CNTN5: variants seen among roughly 807,000 people sequenced by gnomAD.
CNTN5 encodes the protein contactin 5, also known as contactin-5.
Under a neutral mutation model 129.1 loss-of-function variants are expected in CNTN5, and 77 were observed. The observed-to-expected ratio is 0.60, with a 90% CI of 0.50 to 0.72. The LOEUF is 0.72. Among genes scored for constraint, CNTN5 ranks in the 30% least tolerant of loss-of-function variants. The probability of loss-of-function intolerance (pLI) is 0.00; values close to 1 mark genes in which losing one functional copy is unlikely to be tolerated. For missense variants in CNTN5, 1,478 were observed against 1,328.8 expected (o/e 1.11, Z -1.75); for synonymous variants, 509 against 465.6 (o/e 1.09, Z -1.20).
intron 2 of CNTN5, among the ~76,000 whole-genome samples, chr11:99,373,090 T>C (rs2136137292): frequency 6.6e-6 from 1 of 152,102 alleles, no homozygotes; most frequent in African/African-American, 2.4e-5. Context: ...ATGGCTGTAA[T>C]CCCAGCTACT....
At chr11:99,027,586 C>G (rs1400542392) in intron 1 of CNTN5, among the ~76,000 whole-genome samples, 1 of 151,460 alleles carries the variant, frequency 6.6e-6, no homozygotes, top group African/African-American at 2.4e-5. Flanking sequence ...GTATCTGAAC[C>G]AAAGTTTACT....
intron 9 of CNTN5, among the ~76,000 whole-genome samples, chr11:100,058,470 A>G (rs1031908511): frequency 6.6e-6 from 1 of 152,150 alleles, no homozygotes; most frequent in African/African-American, 2.4e-5. Context: ...TTAATAAGCT[A>G]CAGACAATCT....
At chr11:99,756,372 G>T (rs1429459798) in intron 3 of CNTN5, among the ~76,000 whole-genome samples, 3 of 152,144 alleles carry the variant, frequency 2.0e-5, no homozygotes, top group Non-Finnish European at 4.4e-5. Flanking sequence ...CACATCAATT[G>T]TGTATTATTT....
chr11:99,686,576 T>G (rs1464141711), intron 3 of CNTN5, among the ~76,000 whole-genome samples: 1 of 151,292 alleles, frequency 6.6e-6, no homozygotes, highest in African/African-American at 2.5e-5. Flanking sequence ...TTATTTAAAG[T>G]TTTTTTTCCG....
At chr11:100,042,284 A>G (rs1401461615) in intron 9 of CNTN5, among the ~76,000 whole-genome samples, 3 of 151,676 alleles carry the variant, frequency 2.0e-5, no homozygotes, top group Non-Finnish European at 4.4e-5. Context: ...TTGTCTCAAT[A>G]GCTTTTCTTA....
intron 13 of CNTN5, among the ~76,000 whole-genome samples, chr11:100,109,037 G>C (rs1284666562): frequency 1.3e-5 from 2 of 152,034 alleles, no homozygotes; most frequent in Non-Finnish European, 2.9e-5. Context: ...TCCTTCATCT[G>C]AACTCTGTCA....
chr11:99,979,450 G>C (rs982982661), intron 8 of CNTN5, among the ~76,000 whole-genome samples: 5 of 152,144 alleles, frequency 3.3e-5, no homozygotes, highest in Non-Finnish European at 5.9e-5. Flanking sequence ...AGGCACTGGG[G>C]AAGAAAAGTA....
intron 2 of CNTN5, among the ~76,000 whole-genome samples, chr11:99,417,540 TTAATAGACTTTA>T (rs1942713392): frequency 6.6e-6 from 1 of 152,102 alleles, no homozygotes; most frequent in African/African-American, 2.4e-5. Flanking sequence ...TAAATGTGTC[TTAATAGACTTTA>T]TTATAGCCAT....
intron 21 of CNTN5, among the ~76,000 whole-genome samples, chr11:100,334,684 A>G (rs1565435587): frequency 6.6e-6 from 1 of 152,210 alleles, no homozygotes; most frequent in East Asian, 1.9e-4. Context: ...TCAGGAATGG[A>G]AAACCAAAAA....
intron 1 of CNTN5, among the ~76,000 whole-genome samples, chr11:99,079,337 A>G (rs1339685840): frequency 6.6e-6 from 1 of 152,164 alleles, no homozygotes; most frequent in Admixed American, 6.5e-5. Flanking sequence ...TATCTAGATA[A>G]ACAACACAGC....
chr11:99,821,854 C>G (rs1364313112), intron 4 of CNTN5, among the ~76,000 whole-genome samples: 1 of 152,082 alleles, frequency 6.6e-6, no homozygotes, highest in African/African-American at 2.4e-5. Context: ...AGGCTGGTAA[C>G]CAATTTAATA....
chr11:100,037,143 A>G (rs1054831489), intron 9 of CNTN5, among the ~76,000 whole-genome samples: 10 of 146,704 alleles, frequency 6.8e-5, no homozygotes, highest in Non-Finnish European at 1.0e-4. Context: ...GATACGTTCC[A>G]TCAATACCTA....
intron 2 of CNTN5, among the ~76,000 whole-genome samples, chr11:99,483,657 G>C (rs1945692741): frequency 6.6e-6 from 1 of 152,000 alleles, no homozygotes; most frequent in Non-Finnish European, 1.5e-5. Context: ...ATGGTCTCCT[G>C]ACACTTCTGG....
At chr11:99,112,194 G>T (rs571654500) in intron 1 of CNTN5, among the ~76,000 whole-genome samples, 1 of 152,020 alleles carries the variant, frequency 6.6e-6, no homozygotes, top group East Asian at 1.9e-4. Context: ...GAATTTTATT[G>T]TTTATTTGGG....
intron 2 of CNTN5, among the ~76,000 whole-genome samples, chr11:99,446,114 C>T (rs1206242459): frequency 6.6e-6 from 1 of 150,844 alleles, no homozygotes; most frequent in Non-Finnish European, 1.5e-5. Flanking sequence ...ACCAAACTTC[C>T]TTGGATTTGT....
At chr11:99,177,861 A>G (rs1282924461) in intron 1 of CNTN5, among the ~76,000 whole-genome samples, 1 of 152,186 alleles carries the variant, frequency 6.6e-6, no homozygotes. Flanking sequence ...ATACATGTAC[A>G]TGAAACAAAA....
intron 8 of CNTN5, among the ~76,000 whole-genome samples, chr11:99,973,183 C>G (rs1401835050): frequency 6.6e-6 from 1 of 152,084 alleles, no homozygotes; most frequent in Admixed American, 6.6e-5. Flanking sequence ...TTCTGACAAG[C>G]ATCACTAGGA....
At chr11:99,759,452 A>C (rs191397895) in intron 3 of CNTN5, among the ~76,000 whole-genome samples, 66 of 152,122 alleles carry the variant, frequency 4.3e-4, no homozygotes, top group African/African-American at 1.5e-3. Context: ...TGAAATTATG[A>C]AGGCACGTAA....
chr11:99,109,656 A>T (rs1591205437), intron 1 of CNTN5, among the ~76,000 whole-genome samples: 1 of 152,124 alleles, frequency 6.6e-6, no homozygotes, highest in Admixed American at 6.6e-5. Context: ...AGGTAATAGA[A>T]CCATCGGCAT....
Sources: gnomAD v4.1 joint callset for allele counts (sites outside exome capture counted in the v4.1 genomes callset) on GRCh38, gnomAD v4.1.1 for gene constraint, MANE v1.5 for transcripts, NCBI Gene and HGNC (gene_info 2026-07-23, HGNC 2026-07-21) for gene names.